The following ASCC3 variants were observed in gnomAD, a reference collection of about 807,000 sequenced individuals.
ASCC3 encodes the protein ASC-1 complex subunit P200.
ASCC3 carries 158 observed loss-of-function variants against 256.3 expected under a neutral mutation model. The ratio of observed to expected loss-of-function variants is 0.62; its 90% CI spans 0.54 to 0.70. The LOEUF (loss-of-function observed/expected upper bound fraction) is 0.70, where lower values mean the gene tolerates loss of function less well. Ranked by LOEUF, ASCC3 falls within the 30% of genes least tolerant of loss-of-function variation. The pLI is 0.00. For missense variants in ASCC3, 2,259 were observed against 2,626.0 expected (o/e 0.86, Z 3.05); for synonymous variants, 948 against 883.4 (o/e 1.07, Z -1.30).
chr6:100,789,369 G>C (rs954703002), intron 8 of ASCC3, among the ~76,000 whole-genome samples: 4 of 151,992 alleles, frequency 2.6e-5, no homozygotes, highest in Non-Finnish European at 4.4e-5. Context: ...AGGATGTACT[G>C]AGGAGGCCAG....
intron 10 of ASCC3, among the ~76,000 whole-genome samples, chr6:100,762,148 AC>A (rs1350079091): frequency 1.3e-5 from 2 of 152,230 alleles, no homozygotes; most frequent in Non-Finnish European, 2.9e-5. Flanking sequence ...AGAGATCTGA[AC>A]AGAATTTCCC....
intron 30 of ASCC3, among the ~76,000 whole-genome samples, chr6:100,608,146 C>CATATATATGTATATATG (rs1311691741): frequency 4.9e-5 from 2 of 41,092 alleles, no homozygotes; most frequent in Admixed American, 4.0e-4. Flanking sequence ...GTATATATAT[C>CATATATATGTATATATG]TATATATACA....
At chr6:100,646,369 GCA>G (rs1775379611) in intron 22 of ASCC3, among the ~76,000 whole-genome samples, 1 of 151,966 alleles carries the variant, frequency 6.6e-6, no homozygotes, top group African/African-American at 2.4e-5. Context: ...GAGTGCAGTG[GCA>G]CAGTCTTGGC....
intron 25 of ASCC3, among the ~76,000 whole-genome samples, chr6:100,633,173 A>G (rs1409558003): frequency 6.6e-6 from 1 of 152,168 alleles, no homozygotes; most frequent in East Asian, 1.9e-4. Flanking sequence ...ATAATTCATA[A>G]GCTTTAAATT....
intron 12 of ASCC3, among the ~76,000 whole-genome samples, chr6:100,715,896 T>A (rs1779066400): frequency 6.6e-6 from 1 of 151,790 alleles, no homozygotes; most frequent in African/African-American, 2.4e-5. Flanking sequence ...TTTCCATATA[T>A]TTCATTATAT....
At chr6:100,872,864 G>A (rs1337427256) in intron 1 of ASCC3, among the ~76,000 whole-genome samples, 2 of 152,188 alleles carry the variant, frequency 1.3e-5, no homozygotes, top group African/African-American at 4.8e-5. Context: ...GGAACACCCC[G>A]TGGGACAAAA....
intron 10 of ASCC3, among the ~76,000 whole-genome samples, chr6:100,764,393 A>G (rs1168915650): frequency 6.6e-6 from 1 of 152,218 alleles, no homozygotes; most frequent in Non-Finnish European, 1.5e-5. Flanking sequence ...GAGGAAACTT[A>G]CTAAAAAGCA....
chr6:100,718,416 G>A (rs545017401), intron 11 of ASCC3, among the ~76,000 whole-genome samples, 165 bp from the exon 12 acceptor site: 1 of 152,010 alleles, frequency 6.6e-6, no homozygotes, highest in Non-Finnish European at 1.5e-5. Flanking sequence ...TAATTCACAA[G>A]CTTGATTTAA....
intron 20 of ASCC3, among the ~76,000 whole-genome samples, chr6:100,648,928 G>GGCC (rs1035110000): frequency 2.6e-5 from 4 of 151,744 alleles, no homozygotes; most frequent in African/African-American, 9.7e-5. Flanking sequence ...GTTAAGCATA[G>GGCC]GCCTTTAAAT....
intron 13 of ASCC3, among the ~76,000 whole-genome samples, chr6:100,711,089 A>T (rs2115014358): frequency 6.6e-6 from 1 of 152,290 alleles, no homozygotes; most frequent in African/African-American, 2.4e-5. Context: ...TTCTCTTTTT[A>T]CTCTAAAAAA....
chr6:100,523,621 A>G (rs996998653), intron 37 of ASCC3, among the ~76,000 whole-genome samples: 4 of 152,160 alleles, frequency 2.6e-5, no homozygotes, highest in Non-Finnish European at 4.4e-5. Flanking sequence ...TGACTTGGAT[A>G]CACCACATGT....
chr6:100,622,091 G>A (rs901017914), intron 30 of ASCC3, among the ~76,000 whole-genome samples: 1 of 152,100 alleles, frequency 6.6e-6, no homozygotes, highest in African/African-American at 2.4e-5. Context: ...TGAGGATGGT[G>A]GGAGGGAGAA....
At chr6:100,751,850 T>C (rs9404022) in intron 10 of ASCC3, among the ~76,000 whole-genome samples, 51,942 of 151,874 alleles carry the variant, frequency 0.34, 10,663 homozygotes, top group Middle Eastern at 0.53. Context: ...TGAGGAAATA[T>C]GCCATATTAC....
intron 4 of ASCC3, among the ~76,000 whole-genome samples, chr6:100,816,512 T>A (rs1770754536): frequency 6.6e-6 from 1 of 152,014 alleles, no homozygotes; most frequent in African/African-American, 2.4e-5. Context: ...TCAACCTAAA[T>A]CCCATCATTG....
rs750071832 is a variant in ASCC3 at position 100,606,742 on chromosome 6, G to A, written c.5042C>T (p.Thr1681Ile). 21 of 1,597,502 alleles carry A rather than the reference G, an allele frequency of 1.3e-5. No homozygotes were observed. The East Asian group carries it at 4.3e-4, about 32-fold the overall frequency. ...TTCTGTGAATTTAAGAAAATTACCTGTAATGGGAAAATCCACATAACGTCT... is the reference window on the plus strand; with the variant it reads ...TTCTGTGAATTTAAGAAAATTACCTATAATGGGAAAATCCACATAACGTCT... ...KTRRYVDFPITDVLQMMGRAG... is the reference protein window; with the variant it reads ...KTRRYVDFPIIDVLQMMGRAG... The change falls in exon 32 of 42, where the codon ACA becomes ATA. Residue 1681 changes from threonine (T) to isoleucine (I), a missense_variant and splice_region_variant. Thr to Ile is a moderately conservative substitution (Grantham distance 89). This residue lies in a region of ASCC3 where 1,839 missense variants were observed against 2,206.7 expected (regional missense o/e 0.83). Coordinates refer to ENST00000369162, the MANE Select transcript of ASCC3 (RefSeq NM_006828.4).
At chr6:100,763,496 G>T (rs1781507160) in intron 10 of ASCC3, among the ~76,000 whole-genome samples, 1 of 152,144 alleles carries the variant, frequency 6.6e-6, no homozygotes, top group African/African-American at 2.4e-5. Context: ...AGTTAACAGG[G>T]AAAGGCTCAA....
At chr6:100,632,245 C>T (rs148543021) in intron 25 of ASCC3, among the ~76,000 whole-genome samples, 2 of 141,296 alleles carry the variant, frequency 1.4e-5, no homozygotes, top group Non-Finnish European at 3.1e-5. Context: ...GAATAAAGTA[C>T]TTAGGAATAA....
At chr6:100,625,454 G>T in intron 29 of ASCC3, 120 bp from the exon 30 acceptor site, 1 of 1,192,834 alleles carries the variant, frequency 8.4e-7, no homozygotes, top group Non-Finnish European at 1.2e-6. Flanking sequence ...CATGAAATGT[G>T]GCATTATTGC....
At chr6:100,676,897 T>A (rs1005556683) in intron 14 of ASCC3, among the ~76,000 whole-genome samples, 27 of 152,062 alleles carry the variant, frequency 1.8e-4, no homozygotes, top group African/African-American at 6.5e-4. Context: ...GGAATTGAGG[T>A]GATTACATTA....
Sources: allele counts gnomAD v4.1 joint callset (sites outside exome capture counted in the v4.1 genomes callset), GRCh38; gene constraint gnomAD v4.1.1; regional missense constraint gnomAD v4.1.1; transcripts MANE v1.5; gene names NCBI Gene and HGNC (gene_info 2026-07-23, HGNC 2026-07-21).